The following SLC4A8 variants were observed in gnomAD, a reference collection of about 807,000 sequenced individuals.
The protein encoded by SLC4A8 is electroneutral sodium bicarbonate exchanger 1.
Under a neutral mutation model 125.0 loss-of-function variants are expected in SLC4A8, and 40 were observed. That is an observed-to-expected ratio of 0.32 (90% confidence interval 0.25 to 0.42). The LOEUF (loss-of-function observed/expected upper bound fraction) is 0.42, where lower values mean the gene tolerates loss of function less well. Ranked by LOEUF, SLC4A8 falls within the 10% of genes least tolerant of loss-of-function variation. SLC4A8 has a pLI of 1.00. For synonymous variants in SLC4A8, 456 were observed against 476.0 expected, an observed-to-expected ratio of 0.96 and a Z score of 0.55; for missense variants, 863 against 1,355.1, an observed-to-expected ratio of 0.64 and a Z score of 5.70.
At chr12:51,485,752 T>A in intron 16 of SLC4A8, 35 bp from the exon 17 acceptor site, 1 of 1,231,012 alleles carries the variant, frequency 8.1e-7, no homozygotes, top group Non-Finnish European at 1.2e-6. Flanking sequence ...GTATTTAACC[T>A]GCCAAAACAT....
At chr12:51,465,874 G>T (rs1950497282) in intron 11 of SLC4A8, among the ~76,000 whole-genome samples, 2 of 152,098 alleles carry the variant, frequency 1.3e-5, no homozygotes, top group African/African-American at 4.8e-5. Flanking sequence ...TTTGTATATG[G>T]ACATCCTATA....
Position 51,453,680 on chromosome 12 carries a change from T to C in SLC4A8, c.555T>C (p.Asn185=). ...NGTVLLDMHA[N]SIEEISDLIL... ...CAGTCCTCCTGGATATGCATGCAAA[T>C]AGCATAGAAGAAATTTCAGGTAAGG... Residue 185 remains asparagine (N), a synonymous_variant, in exon 5 of 25, where the codon AAT becomes AAC. Coordinates refer to ENST00000453097, the MANE Select transcript of SLC4A8 (RefSeq NM_001039960.3). The C allele has an allele frequency of 6.2e-7, 1 of 1,613,768 alleles. No individual in the cohort carries two copies. Among genetic ancestry groups the C allele is most frequent in the Non-Finnish European group, 8.5e-7 (1 of 1,179,868 alleles).
intron 17 of SLC4A8, among the ~76,000 whole-genome samples, chr12:51,487,120 C>T (rs943418227): frequency 7.9e-5 from 12 of 152,242 alleles, no homozygotes; most frequent in Middle Eastern, 3.4e-3. Context: ...CTGTGAAGAA[C>T]GCCTCTGGGA....
intron 1 of SLC4A8, among the ~76,000 whole-genome samples, chr12:51,416,225 TTTTTTTTG>T (rs936032703): frequency 4.0e-5 from 6 of 150,432 alleles, no homozygotes; most frequent in Non-Finnish European, 7.4e-5. Flanking sequence ...TTTTTTTTTT[TTTTTTTTG>T]AGAATTTGTG....
intron 14 of SLC4A8, among the ~76,000 whole-genome samples, chr12:51,472,886 T>A (rs1278695267): frequency 6.6e-6 from 1 of 152,188 alleles, no homozygotes; most frequent in Non-Finnish European, 1.5e-5. Flanking sequence ...TTTTAAAAAA[T>A]AGAGTTTATT....
In SLC4A8 at chr12:51,510,436, A is replaced by C. The variant is rs1306690765; in HGVS notation, c.*2998A>C. On this transcript the variant is annotated 3_prime_UTR_variant, in exon 25 of 25. Transcript: ENST00000453097. ...AAGACTCCATTTCAAAAAAAAAAAAAAAAAAAAACTTCCCAATAGGAGGTA... is the reference window on the plus strand; with the variant it reads ...AAGACTCCATTTCAAAAAAAAAAAACAAAAAAAACTTCCCAATAGGAGGTA... The C allele has an allele frequency of 6.6e-6, 1 of 152,034 alleles. No individual in the cohort carries two copies. Among genetic ancestry groups the C allele is most frequent in the African/African-American group, 2.4e-5 (1 of 41,378 alleles). 9.4% of individuals were successfully genotyped at this position (152,034 alleles called of 1,614,324 possible).
intron 15 of SLC4A8, chr12:51,474,652 C>A (rs1008506164): frequency 2.3e-5 from 20 of 886,818 alleles, no homozygotes; most frequent in South Asian, 1.9e-4. Flanking sequence ...TCTCTTTTCT[C>A]CCCCCTACAT....
intron 21 of SLC4A8, among the ~76,000 whole-genome samples, chr12:51,496,439 C>T (rs1227751122): frequency 6.6e-6 from 1 of 152,236 alleles, no homozygotes; most frequent in African/African-American, 2.4e-5. Flanking sequence ...CACTTTCTCT[C>T]TCTGGGCCTC....
At chr12:51,486,027 C>G in intron 17 of SLC4A8, 127 bp downstream of exon 17, 1 of 558,668 alleles carries the variant, frequency 1.8e-6, no homozygotes, top group Non-Finnish European at 3.2e-6. Context: ...AACCTTGCTC[C>G]TCATACCTTG....
At chr12:51,392,277 CTTA>C (rs1310078446) in intron 1 of SLC4A8, 1 of 152,226 alleles carries the variant, frequency 6.6e-6, no homozygotes, top group Non-Finnish European at 1.5e-5. Flanking sequence ...CACCTGAGAA[CTTA>C]TTAGAAATTT....
At chr12:51,442,950 A>G (rs1276954618) in intron 2 of SLC4A8, among the ~76,000 whole-genome samples, 1 of 152,208 alleles carries the variant, frequency 6.6e-6, no homozygotes, top group Admixed American at 6.5e-5. Flanking sequence ...TTCAGATTCA[A>G]TATGCATGCC....
In SLC4A8 at chr12:51,411,677, A is replaced by C. The variant is rs540031891; in HGVS notation, c.-112+20189A>C. Reference sequence around the variant, plus strand: ...ACTTAATTCATTTATTTTCATTTTCATATTTATGTATGTAATTATTTAAAG... The same window carrying C: ...ACTTAATTCATTTATTTTCATTTTCCTATTTATGTATGTAATTATTTAAAG... On this transcript the variant is annotated intron_variant, in intron 1 of 24. Coordinates refer to the SLC4A8 transcript ENST00000358657. 2.6e-5 allele frequency among the ~76,000 whole-genome samples: 4 copies of C among 151,930 alleles called. No homozygotes were observed. In the East Asian group the frequency reaches 7.7e-4, roughly 29 times the overall value.
intron 2 of SLC4A8, among the ~76,000 whole-genome samples, chr12:51,448,614 A>G (rs539863601): frequency 5.8e-4 from 88 of 152,302 alleles, no homozygotes; most frequent in Admixed American, 2.5e-3. Context: ...GAGTAGTGCA[A>G]GTGAACCAGG....
chr12:51,416,545 A>G (rs1322774970), intron 1 of SLC4A8, among the ~76,000 whole-genome samples: 2 of 152,160 alleles, frequency 1.3e-5, no homozygotes, highest in African/African-American at 4.8e-5. Context: ...CGGGAGGCTG[A>G]GGTACGAGAA....
At chr12:51,413,048 T>C (rs1236921903) in intron 1 of SLC4A8, among the ~76,000 whole-genome samples, 1 of 152,220 alleles carries the variant, frequency 6.6e-6, no homozygotes, top group African/African-American at 2.4e-5. Context: ...TTTATAAGAG[T>C]TCCCTTTTCC....
chr12:51,432,686 G>A (rs1247665302), intron 1 of SLC4A8, among the ~76,000 whole-genome samples: 1 of 152,050 alleles, frequency 6.6e-6, no homozygotes, highest in Non-Finnish European at 1.5e-5. Flanking sequence ...TGGCGCCTCT[G>A]CACTCCAGCC....
At chr12:51,396,678 AT>A (rs1401535035) in intron 1 of SLC4A8, among the ~76,000 whole-genome samples, 42 of 25,318 alleles carry the variant, frequency 1.7e-3, no homozygotes, top group African/African-American at 4.1e-3. Context: ...CCCCATCTTT[AT>A]TTAAAAAAAA....
intron 1 of SLC4A8, among the ~76,000 whole-genome samples, chr12:51,411,463 C>G (rs141456641): frequency 0.07 from 10,700 of 152,056 alleles, 507 homozygotes; most frequent in East Asian, 0.22. Context: ...GTGGTGTGCA[C>G]CTGTAGTCCC....
At chr12:51,468,111 A>G (rs1218077321) in intron 11 of SLC4A8, among the ~76,000 whole-genome samples, 1 of 152,210 alleles carries the variant, frequency 6.6e-6, no homozygotes, top group East Asian at 1.9e-4. Context: ...TTTGTGCTAT[A>G]AAATGCCGAG....
Sources: gnomAD v4.1 joint callset for allele counts (sites outside exome capture counted in the v4.1 genomes callset) on GRCh38, gnomAD v4.1.1 for gene constraint, MANE v1.5 for transcripts, NCBI Gene and HGNC (gene_info 2026-07-23, HGNC 2026-07-21) for gene names.